ZMYM5: variants seen among roughly 807,000 people sequenced by gnomAD.
The protein encoded by ZMYM5 is zinc finger MYM-type protein 5.
A neutral mutation model predicts 61.8 loss-of-function variants in ZMYM5; 41 were observed. That is an observed-to-expected ratio of 0.66 (90% CI 0.52 to 0.86). The LOEUF is 0.86. ZMYM5 is among the 40% of genes least tolerant of loss of function. The probability of loss-of-function intolerance (pLI) is 0.00; values close to 1 mark genes in which losing one functional copy is unlikely to be tolerated. For missense variants in ZMYM5, 706 were observed against 786.7 expected, an observed-to-expected ratio of 0.90 and a Z score of 1.23; for synonymous variants, 257 against 276.4, an observed-to-expected ratio of 0.93 and a Z score of 0.70.
intron 2 of ZMYM5, among the ~76,000 whole-genome samples, chr13:19,852,745 T>C (rs1270493694): frequency 6.6e-6 from 1 of 152,208 alleles, no homozygotes; most frequent in Non-Finnish European, 1.5e-5. Context: ...AACTCCATGA[T>C]AGTAGCTATA....
chr13:19,851,719 A>C lies in ZMYM5; in HGVS notation c.462T>G (p.Asp154Glu). The change falls in exon 3 of 8, where the codon GAT becomes GAG. Residue 154 changes from aspartate (D) to glutamate (E), a missense_variant. Physicochemically the swap from Asp to Glu is conservative, Grantham distance 45. This residue lies in a region of ZMYM5 where 480 missense variants were observed against 461.7 expected (regional missense o/e 1.04). Transcript: ENST00000337963. ...TTCTTGAAAGACTGGAAGTGGAGAA[A>C]TCCAAATCGTTGGTTTTGTTTTTAG... is the stretch of plus-strand genomic sequence containing the variant. ...PGTKNKTNDL[D>E]FSTSSLSRSK... The C allele has an allele frequency of 1.3e-6, 2 of 1,581,096 alleles. No homozygotes were observed. The highest frequency in any genetic ancestry group is 2.7e-5 in the African/African-American group (2 of 73,134).
rs746181263 is a variant in ZMYM5 at position 19,824,552 on chromosome 13, A to AT, written c.1934dup (p.Asn645LysfsTer2). The stretch of plus-strand genomic sequence containing the variant: ...TGTGTTCTGCAGCATCAATAGCTTT[A>AT]TTTTTTTTCAGATCAGATTTTAATT... On this transcript the variant is annotated frameshift_variant, in exon 8 of 8. Coordinates refer to ENST00000337963, the MANE Select transcript of ZMYM5 (RefSeq NM_001142684.2). LOFTEE classifies it high-confidence loss of function. The AT allele has an allele frequency of 1.7e-5, 22 of 1,320,600 alleles. No individual in the cohort carries two copies. Among genetic ancestry groups the AT allele is most frequent in the African/African-American group, 7.5e-5 (5 of 66,470 alleles). The allele number at this position is 1,320,600 out of a possible 1,614,324, so 81.8% of individuals were successfully genotyped here.
chr13:19,855,069 T>C (rs191694370), intron 2 of ZMYM5, among the ~76,000 whole-genome samples: 23 of 152,082 alleles, frequency 1.5e-4, no homozygotes, highest in African/African-American at 5.3e-4. Flanking sequence ...TGAAAAAGAT[T>C]GGGGGCCAGG....
intron 2 of ZMYM5, among the ~76,000 whole-genome samples, chr13:19,861,874 AAAAC>A (rs1953777894): frequency 6.6e-6 from 1 of 152,006 alleles, no homozygotes; most frequent in South Asian, 2.1e-4. Flanking sequence ...CGAAAAAACA[AAAAC>A]AAACATTAAC....
rs369121490 is a variant in ZMYM5, at chr13:19,839,709, A to T, written c.587-724T>A. Among the ~76,000 whole-genome samples, 7 of 152,254 alleles carry T rather than the reference A, an allele frequency of 4.6e-5. No homozygotes were observed. In the East Asian group the frequency reaches 1.2e-3, roughly 25 times the overall value. On this transcript the variant is annotated intron_variant, in intron 4 of 7. Transcript: ENST00000337963. ...TCTTTCTGTCTACTCATACCACTAAACAATCAATCCATCTCTTTCTATGTA... is the reference window on the plus strand; with the variant it reads ...TCTTTCTGTCTACTCATACCACTAATCAATCAATCCATCTCTTTCTATGTA...
At chr13:19,842,745 A>T (rs982963621) in intron 4 of ZMYM5, among the ~76,000 whole-genome samples, 4 of 151,010 alleles carry the variant, frequency 2.6e-5, no homozygotes, top group African/African-American at 4.9e-5. Context: ...AGATCACCTG[A>T]GGTCAGGAGT....
intron 7 of ZMYM5, among the ~76,000 whole-genome samples, chr13:19,830,772 C>T (rs1320702801): frequency 1.3e-5 from 2 of 151,834 alleles, no homozygotes; most frequent in South Asian, 2.1e-4. Context: ...GCGATCCACT[C>T]GCCTCAGCCT....
chr13:19,832,775 C>T (rs1175554980), intron 7 of ZMYM5, among the ~76,000 whole-genome samples: 2 of 151,772 alleles, frequency 1.3e-5, no homozygotes, highest in African/African-American at 4.9e-5. Flanking sequence ...TTTTAAATTT[C>T]GTTTTGTTAA....
At chr13:19,843,845 A>G (rs1952978166) in intron 4 of ZMYM5, among the ~76,000 whole-genome samples, 2 of 149,600 alleles carry the variant, frequency 1.3e-5, no homozygotes, top group Admixed American at 1.3e-4. Flanking sequence ...CAAAAAAAAA[A>G]AAAAGGGGGC....
At position 19,845,863 on chromosome 13, in the gene ZMYM5, GA is replaced by G. The variant is rs757120969; in HGVS notation, c.586+5491del. Among the ~76,000 whole-genome samples, 23 of 152,254 alleles carry G rather than the reference GA, an allele frequency of 1.5e-4. No individual in the cohort carries two copies. The East Asian group carries it at 4.4e-3, about 29-fold the overall frequency. ...AGGCTGCACTGAGCTTCAAAATCTAGAGTAGTTTTATTTGGGTTTCATTACG... is the reference window on the plus strand; with the variant it reads ...AGGCTGCACTGAGCTTCAAAATCTAGGTAGTTTTATTTGGGTTTCATTACG... On this transcript the variant is annotated intron_variant, in intron 4 of 7. Transcript: ENST00000337963.
chr13:19,850,437 T>C (rs1401638555), intron 4 of ZMYM5, among the ~76,000 whole-genome samples: 1 of 151,932 alleles, frequency 6.6e-6, no homozygotes, highest in Non-Finnish European at 1.5e-5. Context: ...CTGTCTCTAC[T>C]AAAAAGACAA....
intron 2 of ZMYM5, among the ~76,000 whole-genome samples, chr13:19,858,208 A>C (rs1293197205): frequency 6.6e-6 from 1 of 151,378 alleles, no homozygotes; most frequent in African/African-American, 2.4e-5. Flanking sequence ...AAAATTAAAA[A>C]AAAAAAACAA....
chr13:19,844,725 A>G (rs56110103), intron 4 of ZMYM5, among the ~76,000 whole-genome samples: 17,459 of 152,130 alleles, frequency 0.11, 1,279 homozygotes, highest in African/African-American at 0.2. Flanking sequence ...GGGTTCAAGC[A>G]ACCCTCCTGC....
intron 2 of ZMYM5, among the ~76,000 whole-genome samples, chr13:19,856,067 T>C (rs1953496201): frequency 6.6e-6 from 1 of 151,518 alleles, no homozygotes; most frequent in Non-Finnish European, 1.5e-5. Flanking sequence ...ACAACAAAAC[T>C]ACTAAAAGCC....
At chr13:19,839,544 T>C (rs766624615) in intron 4 of ZMYM5, among the ~76,000 whole-genome samples, 6 of 151,994 alleles carry the variant, frequency 3.9e-5, no homozygotes, top group Non-Finnish European at 7.4e-5. Flanking sequence ...CTAAATTTTT[T>C]TTTCTATTTT....
At chr13:19,835,452 T>C in intron 7 of ZMYM5, 25 bp downstream of exon 7, 1 of 1,339,668 alleles carries the variant, frequency 7.5e-7, no homozygotes, top group Non-Finnish European at 1.0e-6. Context: ...TATTTGATCA[T>C]TTAAAGCTCA....
intron 4 of ZMYM5, among the ~76,000 whole-genome samples, chr13:19,840,961 GCCA>G (rs1387229429): frequency 1.4e-5 from 2 of 147,896 alleles, no homozygotes; most frequent in Non-Finnish European, 3.0e-5. Context: ...ACAGGCCTGA[GCCA>G]CCGCGCCCGG....
chr13:19,827,266 T>G (rs946614618), intron 7 of ZMYM5, among the ~76,000 whole-genome samples: 4 of 152,188 alleles, frequency 2.6e-5, no homozygotes, highest in African/African-American at 9.6e-5. Flanking sequence ...TTTTCATAAA[T>G]AATTCCTTCA....
At chr13:19,843,048 T>TCAAG (rs1381646926) in intron 4 of ZMYM5, among the ~76,000 whole-genome samples, 1 of 149,886 alleles carries the variant, frequency 6.7e-6, no homozygotes, top group Non-Finnish European at 1.5e-5. Flanking sequence ...ATTTCTGGGA[T>TCAAG]CAAGCAATCC....
Sources: gnomAD v4.1 joint callset for allele counts (sites outside exome capture counted in the v4.1 genomes callset) on GRCh38, gnomAD v4.1.1 for gene constraint, gnomAD v4.1.1 regional missense constraint, MANE v1.5 for transcripts, NCBI Gene and HGNC (gene_info 2026-07-23, HGNC 2026-07-21) for gene names.